Variants in L3MBTL3 observed in about 807,000 individuals in gnomAD.
L3MBTL3 encodes L3MBTL histone methyl-lysine binding protein 3.
L3MBTL3 carries 27 observed loss-of-function variants against 102.3 expected under a neutral mutation model. The ratio of observed to expected loss-of-function variants is 0.26; its 90% CI spans 0.19 to 0.36. The LOEUF is 0.36. L3MBTL3 is among the 10% of genes least tolerant of loss of function. The pLI, the probability that L3MBTL3 is intolerant of heterozygous loss-of-function variation, is 1.00. For missense variants in L3MBTL3, 798 were observed against 955.3 expected (o/e 0.84, Z 2.17); for synonymous variants, 340 against 320.9 (o/e 1.06, Z -0.64).
intron 9 of L3MBTL3, among the ~76,000 whole-genome samples, chr6:130,058,502 G>A (rs1002674563): frequency 2.6e-5 from 4 of 151,924 alleles, no homozygotes; most frequent in Admixed American, 6.6e-5. Context: ...AAAATATAGC[G>A]GAGTGTGGTG....
In L3MBTL3 at chr6:130,065,797, T is replaced by TAC. The variant is rs1449632585; in HGVS notation, c.865-556_865-555insAC. Among the ~76,000 whole-genome samples the TAC allele has an allele frequency of 6.6e-5, 10 of 152,300 alleles. No homozygotes were observed. The South Asian group carries it at 1.4e-3, about 22-fold the overall frequency. On this transcript the variant is annotated intron_variant, in intron 10 of 22. Transcript: ENST00000361794. ...GCCCTGTAGGCATATGTATGGCATG[T>TAC]GTTATACAGAGTACATTCTTACTAG...
intron 18 of L3MBTL3, among the ~76,000 whole-genome samples, chr6:130,096,076 G>T (rs1390370801): frequency 6.6e-6 from 1 of 152,108 alleles, no homozygotes; most frequent in African/African-American, 2.4e-5. Flanking sequence ...ACATATCTTG[G>T]ATACCCTTTG....
intron 19 of L3MBTL3, among the ~76,000 whole-genome samples, chr6:130,116,130 A>C (rs1465659527): frequency 6.9e-6 from 1 of 145,324 alleles, no homozygotes; most frequent in Non-Finnish European, 1.6e-5. Flanking sequence ...AAGAAAGGTT[A>C]GTTAAAGACA....
intron 8 of L3MBTL3, among the ~76,000 whole-genome samples, chr6:130,056,483 A>C (rs1184403891): frequency 6.6e-6 from 1 of 152,138 alleles, no homozygotes; most frequent in African/African-American, 2.4e-5. Flanking sequence ...GCTTCTCCTC[A>C]GTGCCGGGGT....
At chr6:130,031,132 G>A (rs1461124589) in intron 2 of L3MBTL3, among the ~76,000 whole-genome samples, 2 of 152,090 alleles carry the variant, frequency 1.3e-5, no homozygotes, top group Non-Finnish European at 2.9e-5. Flanking sequence ...GGTCTTAGGA[G>A]ACAGGGGCCA....
chr6:130,047,370 A>G (rs1044995885), intron 3 of L3MBTL3, among the ~76,000 whole-genome samples: 5 of 152,162 alleles, frequency 3.3e-5, no homozygotes, highest in East Asian at 1.9e-4. Flanking sequence ...CATCGTGGGA[A>G]TCGTTCCTTT....
chr6:130,026,564 AC>A (rs969951400), intron 2 of L3MBTL3, among the ~76,000 whole-genome samples: 35 of 152,086 alleles, frequency 2.3e-4, no homozygotes, highest in African/African-American at 7.9e-4. Context: ...GGGAAGAAAA[AC>A]TGGCTTTACT....
intron 14 of L3MBTL3, among the ~76,000 whole-genome samples, chr6:130,083,091 T>C (rs1388442127): frequency 2.0e-5 from 3 of 152,212 alleles, no homozygotes; most frequent in African/African-American, 7.2e-5. Flanking sequence ...TTACACATTC[T>C]ATTAATAATG....
At chr6:130,052,136 T>A (rs1420190641) in intron 6 of L3MBTL3, among the ~76,000 whole-genome samples, 1 of 152,000 alleles carries the variant, frequency 6.6e-6, no homozygotes, top group Non-Finnish European at 1.5e-5. Flanking sequence ...AGATGAAGTC[T>A]TGTTCTGTCG....
intron 19 of L3MBTL3, among the ~76,000 whole-genome samples, chr6:130,116,530 A>T (rs1003357983): frequency 1.3e-5 from 2 of 152,142 alleles, no homozygotes; most frequent in Non-Finnish European, 2.9e-5. Context: ...AGGCAGGAGG[A>T]TTGCTTGAAG....
rs559846388 is a variant in L3MBTL3 at position 130,058,087 on chromosome 6, G to A, written c.759+590G>A. 3.8e-3 allele frequency among the ~76,000 whole-genome samples: 538 copies of A among 141,002 alleles called. 1 individual carries two copies. The highest frequency in any genetic ancestry group is 6.5e-3 in the Non-Finnish European group (431 of 66,210). The allele number at this position is 141,002 out of a possible 152,430, so 92.5% of individuals were successfully genotyped here. On this transcript the variant is annotated intron_variant, in intron 9 of 22. Transcript: ENST00000361794. ...GAACCCAGGAAGTGGAGCTTGCAGT[G>A]AGCCGAGATTGCGCCATTGCAGTCC...
chr6:130,091,454 A>G (rs577068822), intron 16 of L3MBTL3, among the ~76,000 whole-genome samples: 30 of 152,280 alleles, frequency 2.0e-4, no homozygotes, highest in African/African-American at 6.3e-4. Flanking sequence ...GGTAAAAAAT[A>G]TATAATAACC....
At chr6:130,042,449 C>T (rs1372194482) in intron 2 of L3MBTL3, among the ~76,000 whole-genome samples, 1 of 111,912 alleles carries the variant, frequency 8.9e-6, no homozygotes, top group Non-Finnish European at 2.2e-5. Flanking sequence ...AAAATGTTTA[C>T]CATAACACTT....
chr6:130,053,050 C>T (rs1584328156), intron 7 of L3MBTL3, 59 bp downstream of exon 7: 3 of 1,319,386 alleles, frequency 2.3e-6, no homozygotes, highest in Non-Finnish European at 3.3e-6. Context: ...GGTAGCATCA[C>T]AGTCACAAGC....
intron 3 of L3MBTL3, among the ~76,000 whole-genome samples, chr6:130,045,474 C>A (rs951703890): frequency 1.3e-4 from 20 of 152,080 alleles, no homozygotes; most frequent in African/African-American, 4.6e-4. Context: ...TTTTATTTTA[C>A]CCTTTTTAAG....
chr6:130,135,047 C>G (rs1376834205), intron 22 of L3MBTL3, among the ~76,000 whole-genome samples: 1 of 147,830 alleles, frequency 6.8e-6, no homozygotes, highest in East Asian at 1.9e-4. Flanking sequence ...CACTGATACT[C>G]TCAATTCATT....
At chr6:130,138,139 T>G (rs1787903248) in intron 22 of L3MBTL3, 1 of 152,214 alleles carries the variant, frequency 6.6e-6, no homozygotes, top group South Asian at 2.1e-4. Flanking sequence ...TCTTTCATTT[T>G]TAAAGGAGAG....
At chr6:130,106,919 A>G (rs769953044) in intron 19 of L3MBTL3, among the ~76,000 whole-genome samples, 1 of 152,190 alleles carries the variant, frequency 6.6e-6, no homozygotes, top group Non-Finnish European at 1.5e-5. Flanking sequence ...CCACATTACT[A>G]GTAATCTTAT....
intron 2 of L3MBTL3, among the ~76,000 whole-genome samples, chr6:130,037,875 C>T (rs1473789788): frequency 6.6e-6 from 1 of 152,088 alleles, no homozygotes; most frequent in Non-Finnish European, 1.5e-5. Flanking sequence ...CTAGAACTTA[C>T]TTCTCTTATG....
Sources: gnomAD v4.1 joint callset for allele counts (sites outside exome capture counted in the v4.1 genomes callset) on GRCh38, gnomAD v4.1.1 for gene constraint, MANE v1.5 for transcripts, NCBI Gene and HGNC (gene_info 2026-07-23, HGNC 2026-07-21) for gene names.